The following ADAMTS17 variants were observed in gnomAD, a reference collection of about 807,000 sequenced individuals.
ADAMTS17 encodes the protein ADAM metallopeptidase with thrombospondin type 1 motif 17.
Under a neutral mutation model 141.5 loss-of-function variants are expected in ADAMTS17, and 113 were observed. That is an observed-to-expected ratio of 0.80 (90% CI 0.69 to 0.93). The LOEUF is 0.93. ADAMTS17 is among the 40% of genes least tolerant of loss of function. ADAMTS17 has a pLI of 0.00. For synonymous variants in ADAMTS17, 768 were observed against 630.6 expected, an observed-to-expected ratio of 1.22 and a Z score of -3.27; for missense variants, 1,659 against 1,517.9, an observed-to-expected ratio of 1.09 and a Z score of -1.54.
chr15:100,246,627 T>C (rs1331417403), intron 7 of ADAMTS17, among the ~76,000 whole-genome samples: 1 of 152,158 alleles, frequency 6.6e-6, no homozygotes, highest in Non-Finnish European at 1.5e-5. Flanking sequence ...AAAAGTGAGA[T>C]GGGTCCTAGG....
intron 3 of ADAMTS17, among the ~76,000 whole-genome samples, chr15:100,319,710 G>A (rs1447064612): frequency 1.3e-5 from 2 of 151,624 alleles, no homozygotes; most frequent in African/African-American, 2.4e-5. Context: ...ACTCCATCTC[G>A]AGAAAAAGAA....
chr15:100,143,666 C>T (rs1010461901), intron 10 of ADAMTS17, among the ~76,000 whole-genome samples: 2 of 152,208 alleles, frequency 1.3e-5, no homozygotes, highest in African/African-American at 4.8e-5. Context: ...TAGCATTCTG[C>T]AGACAGACAT....
chr15:100,300,203 G>T lies in ADAMTS17; in HGVS notation c.617-18802C>A, dbSNP rs539081697. On this transcript the variant is annotated intron_variant, in intron 3 of 21. Coordinates refer to ENST00000268070, the MANE Select transcript of ADAMTS17 (RefSeq NM_139057.4). ...TCACTCCTCCAGAGGCCTCTGGAGT[G>T]TCACAGAAGCCCCAGATGTCCCTCA... Among the ~76,000 whole-genome samples, 3 of 152,188 alleles carry T rather than the reference G, an allele frequency of 2.0e-5. No homozygotes were observed. In the East Asian group the frequency reaches 5.8e-4, roughly 30 times the overall value.
intron 8 of ADAMTS17, among the ~76,000 whole-genome samples, chr15:100,159,022 G>GAATGCAA (rs1416706884): frequency 5.3e-5 from 8 of 152,108 alleles, no homozygotes; most frequent in Non-Finnish European, 1.2e-4. Context: ...GCGTTGGTAA[G>GAATGCAA]AATGCAAAAT....
intron 14 of ADAMTS17, among the ~76,000 whole-genome samples, chr15:100,097,424 G>C (rs1033735438): frequency 2.0e-5 from 3 of 152,202 alleles, no homozygotes; most frequent in Non-Finnish European, 4.4e-5. Flanking sequence ...GTGGAGGTGA[G>C]TTAGCCCCTT....
chr15:100,253,505 A>G (rs1297440867), intron 7 of ADAMTS17, among the ~76,000 whole-genome samples: 1 of 23,348 alleles, frequency 4.3e-5, no homozygotes, highest in Non-Finnish European at 7.2e-5. Context: ...GGGGGAGGGG[A>G]AGGTAGAGGG....
intron 19 of ADAMTS17, among the ~76,000 whole-genome samples, chr15:99,995,758 G>A (rs2060788709): frequency 6.6e-6 from 1 of 152,232 alleles, no homozygotes; most frequent in Non-Finnish European, 1.5e-5. Context: ...GGAAGCGGCA[G>A]AAGTACCAGC....
chr15:99,988,635 G>A (rs1024059656), intron 20 of ADAMTS17, among the ~76,000 whole-genome samples: 6 of 152,334 alleles, frequency 3.9e-5, no homozygotes, highest in Non-Finnish European at 7.3e-5. Context: ...GCAAAAGTGG[G>A]CACAGTGACT....
At chr15:100,173,763 C>T (rs750439097) in intron 8 of ADAMTS17, among the ~76,000 whole-genome samples, 3 of 152,234 alleles carry the variant, frequency 2.0e-5, no homozygotes, top group Non-Finnish European at 2.9e-5. Context: ...ACTTTTAACA[C>T]ACCAATATCT....
intron 7 of ADAMTS17, among the ~76,000 whole-genome samples, chr15:100,201,212 G>A (rs527796867): frequency 2.4e-4 from 37 of 152,284 alleles, no homozygotes; most frequent in African/African-American, 7.0e-4. Context: ...CCATGTGTCA[G>A]GGAGGGACCG....
At chr15:100,068,107 C>T (rs1009233255) in intron 15 of ADAMTS17, among the ~76,000 whole-genome samples, 9 of 152,142 alleles carry the variant, frequency 5.9e-5, no homozygotes, top group African/African-American at 1.7e-4. Context: ...GAGATTATAT[C>T]CTGCGCATGT....
At chr15:100,076,595 G>A (rs183791962) in intron 15 of ADAMTS17, among the ~76,000 whole-genome samples, 1 of 152,318 alleles carries the variant, frequency 6.6e-6, no homozygotes, top group Admixed American at 6.5e-5. Flanking sequence ...AGGTGTGGTA[G>A]GGAGAAATAG....
intron 7 of ADAMTS17, among the ~76,000 whole-genome samples, chr15:100,217,861 T>C (rs992321008): frequency 2.0e-5 from 3 of 152,074 alleles, no homozygotes; most frequent in African/African-American, 7.2e-5. Context: ...TCAAAACAGC[T>C]AAAAGAGGAA....
In ADAMTS17 at chr15:100,132,051, A is replaced by G. The variant is rs749268053; in HGVS notation, c.1677T>C (p.Cys559=). The change falls in exon 12 of 22, where the codon TGT becomes TGC. Residue 559 remains cysteine, a synonymous_variant. Coordinates refer to ENST00000268070, the MANE Select transcript of ADAMTS17 (RefSeq NM_139057.4). The stretch of plus-strand genomic sequence containing the variant: ...TCTGCCTGAAGCGGGCTCCCGTCCC[A>G]CATGTTCGGCTGCACATGCTCCAGG... ...WGAWSMCSRT[C]GTGARFRQRK... 2 of 1,613,874 alleles carry G rather than the reference A, an allele frequency of 1.2e-6. No homozygotes were observed. Among genetic ancestry groups the G allele is most frequent in the Non-Finnish European group, 1.7e-6 (2 of 1,179,764 alleles).
Position 100,274,446 on chromosome 15 carries a change from G to C in ADAMTS17, c.789+6783C>G, listed in dbSNP as rs145197734. Among the ~76,000 whole-genome samples, 3 of 152,126 alleles carry C rather than the reference G, an allele frequency of 2.0e-5. No homozygotes were observed. In the East Asian group the frequency reaches 5.8e-4, roughly 29 times the overall value. Reference sequence around the variant, plus strand: ...CCCCTTTGCCTCTTGGAAGCTTTTTGATTTAAAGTGTCTGTTGTGTGATGT... The same window carrying C: ...CCCCTTTGCCTCTTGGAAGCTTTTTCATTTAAAGTGTCTGTTGTGTGATGT... On this transcript the variant is annotated intron_variant, in intron 4 of 21. Transcript: ENST00000268070.
At chr15:100,069,144 C>T (rs906776299) in intron 15 of ADAMTS17, among the ~76,000 whole-genome samples, 4 of 151,836 alleles carry the variant, frequency 2.6e-5, no homozygotes, top group Non-Finnish European at 4.4e-5. Context: ...AGGGTATCAG[C>T]AATGGAAGAT....
At chr15:100,289,154 G>A (rs1157885435) in intron 3 of ADAMTS17, among the ~76,000 whole-genome samples, 1 of 152,112 alleles carries the variant, frequency 6.6e-6, no homozygotes, top group Non-Finnish European at 1.5e-5. Flanking sequence ...AAATGACAAA[G>A]GGGACATTAC....
intron 20 of ADAMTS17, among the ~76,000 whole-genome samples, chr15:99,984,271 G>A (rs1328448217): frequency 1.3e-5 from 2 of 152,128 alleles, no homozygotes; most frequent in Non-Finnish European, 2.9e-5. Flanking sequence ...GGAGACTGCG[G>A]GCAGCTCTCA....
intron 18 of ADAMTS17, among the ~76,000 whole-genome samples, chr15:100,019,975 C>T (rs188483678): frequency 2.2e-3 from 309 of 143,196 alleles, no homozygotes; most frequent in African/African-American, 8.0e-3. Flanking sequence ...CAGGTTAGCC[C>T]CAAGCCTCTT....
Sources: allele counts gnomAD v4.1 joint callset (sites outside exome capture counted in the v4.1 genomes callset), GRCh38; gene constraint gnomAD v4.1.1; transcripts MANE v1.5; gene names NCBI Gene and HGNC (gene_info 2026-07-23, HGNC 2026-07-21).